The following HERC1 variants were observed in gnomAD, a reference collection of about 807,000 sequenced individuals.
HERC1 encodes probable E3 ubiquitin-protein ligase HERC1.
A neutral mutation model predicts 554.3 loss-of-function variants in HERC1; 160 were observed. That is an observed-to-expected ratio of 0.29 (90% confidence interval 0.25 to 0.33). The LOEUF (loss-of-function observed/expected upper bound fraction) is 0.33, where lower values mean the gene tolerates loss of function less well. Ranked by LOEUF, HERC1 falls within the 10% of genes least tolerant of loss-of-function variation. The pLI is 1.00. For synonymous variants in HERC1, 2,175 were observed against 2,131.7 expected, an observed-to-expected ratio of 1.02 and a Z score of -0.56; for missense variants, 4,919 against 5,918.5, an observed-to-expected ratio of 0.83 and a Z score of 5.54.
intron 1 of HERC1, among the ~76,000 whole-genome samples, chr15:63,797,852 T>C (rs148300727): frequency 2.6e-5 from 4 of 152,214 alleles, no homozygotes; most frequent in Non-Finnish European, 5.9e-5. Flanking sequence ...ATTAATAACA[T>C]AAAACAATTT....
At chr15:63,779,817 C>T (rs2076228756) in intron 1 of HERC1, 1 of 151,928 alleles carries the variant, frequency 6.6e-6, no homozygotes, top group African/African-American at 2.4e-5. Context: ...AGATGGAGAC[C>T]ATCCTTGCCA....
chr15:63,618,783 T>C (rs1242972799), intron 74 of HERC1, among the ~76,000 whole-genome samples: 1 of 152,248 alleles, frequency 6.6e-6, no homozygotes, highest in Non-Finnish European at 1.5e-5. Context: ...AGTTCACTCA[T>C]GATTTGGCTC....
chr15:63,625,810 C>T (rs1458579517), intron 71 of HERC1, 175 bp downstream of exon 71: 2 of 725,006 alleles, frequency 2.8e-6, no homozygotes, highest in Admixed American at 2.4e-5. Context: ...GCATCATGTC[C>T]AACCTCTAGA....
At position 63,688,435 on chromosome 15, in the gene HERC1, A is replaced by AT. The variant is rs1555420521; in HGVS notation, c.6048+1153dup. 3.3e-5 allele frequency among the ~76,000 whole-genome samples: 5 copies of AT among 152,342 alleles called. No individual in the cohort carries two copies. The East Asian group carries it at 7.7e-4, about 24-fold the overall frequency. On this transcript the variant is annotated intron_variant, in intron 33 of 77. Coordinates refer to ENST00000443617, the MANE Select transcript of HERC1 (RefSeq NM_003922.4). ...GATAAGACTAGTAGAAGATGGGAAT[A>AT]TAAGTCTAGAATTCAGGGGAAATGC...
chr15:63,825,914 C>A (rs2145910731), intron 1 of HERC1, among the ~76,000 whole-genome samples: 1 of 152,090 alleles, frequency 6.6e-6, no homozygotes. Flanking sequence ...AGGCACCCGC[C>A]ACCATGCTCA....
At chr15:63,630,831 C>A (rs957432045) in intron 68 of HERC1, 196 bp from the exon 69 acceptor site, 2 of 489,368 alleles carry the variant, frequency 4.1e-6, no homozygotes, top group Non-Finnish European at 7.0e-6. Flanking sequence ...TGTTTCTCTG[C>A]AAAACATCAC....
At chr15:63,707,433 G>A (rs16947378) in intron 24 of HERC1, among the ~76,000 whole-genome samples, 1 of 152,206 alleles carries the variant, frequency 6.6e-6, no homozygotes, top group African/African-American at 2.4e-5. Context: ...CTTACAAGAA[G>A]AATGGAAGTA....
In HERC1 at chr15:63,694,025, G is replaced by T; in HGVS notation, c.5613C>A (p.Asp1871Glu). ...CAACTTTTTTTTCTTCTTCTTCACC[G>T]TCTTCTTGCTCCCCTTCTCCGAAAG... ...MASFGEGEQE[D>E]GEEEEKKVDS... The change falls in exon 30 of 78, where the codon GAC becomes GAA. Residue 1871 changes from aspartate to glutamate, a missense_variant. Physicochemically the swap from Asp to Glu is conservative, Grantham distance 45. Around this residue, in one of 11 missense-constraint regions of HERC1, gnomAD observed 1,121 missense variants for 1,244.0 expected, o/e 0.90. Transcript: ENST00000443617. The surrounding 1 kb of genome is among the most constrained non-coding windows in gnomAD (Gnocchi z 4.3). The T allele has an allele frequency of 6.3e-7, 1 of 1,587,144 alleles. No homozygotes were observed. The highest frequency in any genetic ancestry group is 2.3e-5 in the East Asian group (1 of 44,144).
At chr15:63,620,161 T>C (rs2068010537) in intron 74 of HERC1, among the ~76,000 whole-genome samples, 2 of 152,202 alleles carry the variant, frequency 1.3e-5, no homozygotes, top group Admixed American at 1.3e-4. Flanking sequence ...ACACACTGCT[T>C]TGAATGTGTC....
At chr15:63,821,729 A>C (rs2077705298) in intron 1 of HERC1, among the ~76,000 whole-genome samples, 1 of 140,066 alleles carries the variant, frequency 7.1e-6, no homozygotes, top group Admixed American at 7.1e-5. Context: ...CCTGTCTCAA[A>C]AAAAAAAAAA....
intron 33 of HERC1, among the ~76,000 whole-genome samples, chr15:63,687,801 C>G (rs777519078): frequency 6.6e-6 from 1 of 152,088 alleles, no homozygotes; most frequent in Non-Finnish European, 1.5e-5. Context: ...GGGAAGGCCT[C>G]TCTGAAGATG....
At chr15:63,670,578 C>A (rs1290129945) in intron 39 of HERC1, among the ~76,000 whole-genome samples, 1 of 152,122 alleles carries the variant, frequency 6.6e-6, no homozygotes, top group Non-Finnish European at 1.5e-5. Flanking sequence ...AAAATGAAGA[C>A]AGAAGAAATG....
At chr15:63,686,660 G>A in intron 33 of HERC1, 125 bp from the exon 34 acceptor site, 1 of 742,448 alleles carries the variant, frequency 1.3e-6, no homozygotes, top group South Asian at 1.9e-5. Flanking sequence ...CAGTTACTGT[G>A]CAGGGCAACA....
chr15:63,626,558 G>C (rs2068308420), intron 70 of HERC1, among the ~76,000 whole-genome samples: 1 of 152,154 alleles, frequency 6.6e-6, no homozygotes, highest in African/African-American at 2.4e-5. Context: ...TCTGGAAAAT[G>C]GAAATGGGAA....
chr15:63,632,651 G>A (rs2068614631), intron 68 of HERC1, 58 bp downstream of exon 68: 3 of 1,132,198 alleles, frequency 2.6e-6, no homozygotes, highest in Non-Finnish European at 3.9e-6. Context: ...CTGTAACACT[G>A]GAAGGCCAAT....
chr15:63,761,631 C>T (rs1276047267), intron 3 of HERC1, among the ~76,000 whole-genome samples: 6 of 150,958 alleles, frequency 4.0e-5, no homozygotes. Flanking sequence ...AACTATATGG[C>T]CTATATAGAT....
rs2073665902 is a variant in HERC1 at position 63,718,425 on chromosome 15, T to G, written c.3978+149A>C. 2.6e-6 allele frequency: 1 copy of G among 385,394 alleles called. No homozygotes were observed. 23.9% of individuals were successfully genotyped at this position (385,394 alleles called of 1,614,324 possible). ...GTTAAGTAAATCTCAAATCTTTTCC[T>G]TTTTTTTTTTCTGCTAGGAAAAGAA... On this transcript the variant is annotated intron_variant, in intron 21 of 77. Coordinates refer to ENST00000443617, the MANE Select transcript of HERC1 (RefSeq NM_003922.4). This position sits in a 1 kb window ranked among gnomAD's most constrained non-coding sequence, Gnocchi z 4.2.
At chr15:63,808,142 T>C (rs1267852223) in intron 1 of HERC1, among the ~76,000 whole-genome samples, 4 of 148,748 alleles carry the variant, frequency 2.7e-5, no homozygotes, top group Non-Finnish European at 4.5e-5. Context: ...AAAAAATACA[T>C]CACTACAATG....
intron 14 of HERC1, 59 bp from the exon 15 acceptor site, chr15:63,729,708 C>A: frequency 6.5e-7 from 1 of 1,545,632 alleles, no homozygotes; most frequent in South Asian, 1.1e-5. Context: ...AAGTAACAAC[C>A]TACCATAAAT....
Sources: allele counts gnomAD v4.1 joint callset (sites outside exome capture counted in the v4.1 genomes callset), GRCh38; gene constraint gnomAD v4.1.1; regional missense constraint gnomAD v4.1.1; non-coding constraint Gnocchi (gnomAD v3.1); transcripts MANE v1.5; gene names NCBI Gene and HGNC (gene_info 2026-07-23, HGNC 2026-07-21).